ADAMTSL1: variants seen among roughly 807,000 people sequenced by gnomAD.
ADAMTSL1 encodes the protein ADAMTS like 1.
ADAMTSL1 carries 126 observed loss-of-function variants against 201.8 expected under a neutral mutation model. The observed-to-expected ratio is 0.62, with a 90% CI of 0.54 to 0.72. ADAMTSL1 has a LOEUF of 0.72. ADAMTSL1 is among the 30% of genes least tolerant of loss of function. The probability of loss-of-function intolerance (pLI) is 0.00; values close to 1 mark genes in which losing one functional copy is unlikely to be tolerated. For missense variants in ADAMTSL1, 2,679 were observed against 2,277.8 expected, an observed-to-expected ratio of 1.18 and a Z score of -3.59; for synonymous variants, 1,121 against 903.4, an observed-to-expected ratio of 1.24 and a Z score of -4.32.
intron 1 of ADAMTSL1, among the ~76,000 whole-genome samples, chr9:18,031,956 G>A (rs1820977522): frequency 6.6e-6 from 1 of 152,208 alleles, no homozygotes; most frequent in African/African-American, 2.4e-5. Context: ...GGTGCCCACA[G>A]CCCAGGGATT....
intron 2 of ADAMTSL1, among the ~76,000 whole-genome samples, chr9:18,290,855 C>T (rs1399597611): frequency 6.7e-6 from 1 of 150,086 alleles, no homozygotes; most frequent in Non-Finnish European, 1.5e-5. Flanking sequence ...CATCTTGGCT[C>T]ACTACAAGCT....
At chr9:17,976,367 C>T (rs1259472606) in intron 1 of ADAMTSL1, among the ~76,000 whole-genome samples, 1 of 151,724 alleles carries the variant, frequency 6.6e-6, no homozygotes, top group Non-Finnish European at 1.5e-5. Flanking sequence ...CATGGGATAT[C>T]TTTCCATTTA....
intron 23 of ADAMTSL1, among the ~76,000 whole-genome samples, chr9:18,847,502 T>TAAAGAA (rs1826201799): frequency 6.6e-6 from 1 of 152,100 alleles, no homozygotes; most frequent in Admixed American, 6.6e-5. Flanking sequence ...ATAAGTGCTA[T>TAAAGAA]AAAGAAAAAT....
At chr9:18,583,534 G>T (rs7023547) in intron 4 of ADAMTSL1, among the ~76,000 whole-genome samples, 1 of 150,378 alleles carries the variant, frequency 6.6e-6, no homozygotes, top group African/African-American at 2.4e-5. Context: ...CCTCCACACA[G>T]AGTGCCTACT....
At chr9:17,996,191 G>A (rs983706095) in intron 1 of ADAMTSL1, among the ~76,000 whole-genome samples, 8 of 150,422 alleles carry the variant, frequency 5.3e-5, no homozygotes, top group African/African-American at 2.0e-4. Flanking sequence ...AATATTTTGA[G>A]AGCTCCCATC....
chr9:18,863,242 A>G (rs1476958029), intron 23 of ADAMTSL1, among the ~76,000 whole-genome samples: 1 of 152,212 alleles, frequency 6.6e-6, no homozygotes, highest in East Asian at 1.9e-4. Context: ...TAACCCAATC[A>G]TTTTGGAAAA....
In ADAMTSL1 at chr9:18,672,008, A is replaced by G. The variant is rs556686608; in HGVS notation, c.1086-3849A>G. On this transcript the variant is annotated intron_variant, in intron 9 of 28. Transcript: ENST00000380548. ...GCCGAGATCGCACCTCTGCACTCCA[A>G]CCTGGGCGACAGAGTGAGACTCCAT... 3.4e-3 allele frequency among the ~76,000 whole-genome samples: 522 copies of G among 152,146 alleles called. 4 individuals are homozygous for G. Among genetic ancestry groups the G allele is most frequent in the Non-Finnish European group, 5.1e-3 (350 of 67,986 alleles).
At chr9:18,023,055 G>C (rs1820544779) in intron 1 of ADAMTSL1, among the ~76,000 whole-genome samples, 1 of 151,924 alleles carries the variant, frequency 6.6e-6, no homozygotes, top group Non-Finnish European at 1.5e-5. Flanking sequence ...TGGAATGAAT[G>C]GTTTGGAAAT....
intron 1 of ADAMTSL1, among the ~76,000 whole-genome samples, chr9:18,030,269 C>T (rs1287894128): frequency 6.6e-6 from 1 of 152,004 alleles, no homozygotes; most frequent in Non-Finnish European, 1.5e-5. Context: ...AAACTGGAAA[C>T]CATCATTCTC....
intron 2 of ADAMTSL1, among the ~76,000 whole-genome samples, chr9:18,287,605 G>GCGTATATGTATGTGTATACATATACA (rs1833053345): frequency 7.4e-6 from 1 of 134,468 alleles, no homozygotes; most frequent in African/African-American, 3.1e-5. Context: ...ACACATATAT[G>GCGTATATGTATGTGTATACATATACA]CATATATGTA....
intron 1 of ADAMTSL1, among the ~76,000 whole-genome samples, chr9:17,909,154 T>A (rs558735855): frequency 1.7e-4 from 25 of 145,916 alleles, no homozygotes; most frequent in African/African-American, 5.6e-4. Context: ...CTTCGCCCAC[T>A]TTTTGATGGG....
At chr9:18,343,034 G>GTT (rs570325309) in intron 2 of ADAMTSL1, among the ~76,000 whole-genome samples, 66 of 145,614 alleles carry the variant, frequency 4.5e-4, no homozygotes, top group African/African-American at 1.6e-3. Context: ...TTTTTGTTTT[G>GTT]TTTTTTTTTT....
intron 2 of ADAMTSL1, among the ~76,000 whole-genome samples, chr9:18,376,097 C>T (rs899590093): frequency 6.6e-6 from 1 of 152,240 alleles, no homozygotes; most frequent in Non-Finnish European, 1.5e-5. Flanking sequence ...TCACCTTTCA[C>T]TTCTTCTGTT....
At chr9:18,163,975 A>C (rs1487640352) in exon 2 of ADAMTSL1, 2 of 151,988 alleles carry the variant, frequency 1.3e-5, no homozygotes, top group Non-Finnish European at 2.9e-5. Flanking sequence ...ACAAAACTGA[A>C]GACTCGGTAC....
intron 1 of ADAMTSL1, among the ~76,000 whole-genome samples, chr9:18,033,109 C>T (rs1203121457): frequency 6.6e-6 from 1 of 152,174 alleles, no homozygotes; most frequent in African/African-American, 2.4e-5. Context: ...ATAATAACTT[C>T]CTTATTTCTG....
chr9:18,686,177 T>G (rs1830826066), intron 13 of ADAMTSL1, among the ~76,000 whole-genome samples: 1 of 152,176 alleles, frequency 6.6e-6, no homozygotes, highest in Admixed American at 6.5e-5. Flanking sequence ...TGCCTCAGCC[T>G]CCCAAAGTAC....
chr9:18,622,425 T>C, intron 5 of ADAMTSL1, 56 bp downstream of exon 5: 1 of 1,612,944 alleles, frequency 6.2e-7, no homozygotes, highest in Non-Finnish European at 8.5e-7. Context: ...CTCTCCTGGC[T>C]TAGGTCTGGC....
intron 1 of ADAMTSL1, among the ~76,000 whole-genome samples, chr9:18,058,036 G>A (rs1822275790): frequency 6.6e-6 from 1 of 152,178 alleles, no homozygotes. Flanking sequence ...GTTCATCATT[G>A]TATCTTCAGC....
At chr9:18,837,711 T>G (rs1825404964) in intron 23 of ADAMTSL1, among the ~76,000 whole-genome samples, 2 of 152,212 alleles carry the variant, frequency 1.3e-5, no homozygotes, top group South Asian at 4.1e-4. Context: ...ACCCATTAAT[T>G]TACCCAAGTG....
Sources: allele counts gnomAD v4.1 joint callset (sites outside exome capture counted in the v4.1 genomes callset), GRCh38; gene constraint gnomAD v4.1.1; transcripts MANE v1.5; gene names NCBI Gene and HGNC (gene_info 2026-07-23, HGNC 2026-07-21).